Variants in SLC16A12 observed in about 807,000 individuals in gnomAD.
SLC16A12 encodes the protein solute carrier family 16 member 12, also known as monocarboxylate transporter 12.
Under a neutral mutation model 42.4 loss-of-function variants are expected in SLC16A12, and 17 were observed. The observed-to-expected ratio is 0.40, with a 90% CI of 0.27 to 0.60. SLC16A12 has a LOEUF of 0.60. Ranked by LOEUF, SLC16A12 falls within the 20% of genes least tolerant of loss-of-function variation. The probability of loss-of-function intolerance (pLI) is 0.42; values close to 1 mark genes in which losing one functional copy is unlikely to be tolerated. For synonymous variants in SLC16A12, 224 were observed against 229.4 expected (o/e 0.98, Z 0.21); for missense variants, 544 against 623.0 (o/e 0.87, Z 1.35).
chr10:89,438,740 T>A lies in SLC16A12; in HGVS notation c.892A>T (p.Ser298Cys). ...VSVLFMAYGC[S>C]PLFVYLVPYA... Reference sequence around the variant, plus strand: ...GGCACCAAGTACACAAAGAGAGGGCTGCAGCCATAAGCCATAAACAGAACG... The same window carrying A: ...GGCACCAAGTACACAAAGAGAGGGCAGCAGCCATAAGCCATAAACAGAACG... Residue 298 changes from serine to cysteine, a missense_variant, in exon 6 of 8, where the codon AGC (serine) becomes TGC (cysteine). Coordinates refer to ENST00000371790, the MANE Select transcript of SLC16A12 (RefSeq NM_213606.4). 6.2e-7 allele frequency: 1 copy of A among 1,614,170 alleles called. No individual in the cohort carries two copies. The highest frequency in any genetic ancestry group is 2.2e-5 in the East Asian group (1 of 44,886).
At chr10:89,457,615 CT>C (rs1314365377) in intron 3 of SLC16A12, among the ~76,000 whole-genome samples, 1 of 151,846 alleles carries the variant, frequency 6.6e-6, no homozygotes, top group Non-Finnish European at 1.5e-5. Flanking sequence ...AAGTGTGATT[CT>C]TTTTTTTATA....
intron 2 of SLC16A12, among the ~76,000 whole-genome samples, chr10:89,553,829 A>C (rs182907836): frequency 6.6e-6 from 1 of 151,748 alleles, no homozygotes; most frequent in Admixed American, 6.6e-5. Context: ...CCCTGTCTCT[A>C]CTAAAAATAC....
chr10:89,556,029 A>C (rs1222450011), intron 1 of SLC16A12: 2 of 152,102 alleles, frequency 1.3e-5, no homozygotes. Flanking sequence ...TATCAAACAC[A>C]GAATTTCAAG....
At chr10:89,535,027 T>C (rs533038094) in intron 1 of SLC16A12, among the ~76,000 whole-genome samples, 155 of 152,094 alleles carry the variant, frequency 1.0e-3, no homozygotes, top group Non-Finnish European at 1.8e-3. Context: ...TGAAAGCCGG[T>C]GTGTTTTTAA....
At chr10:89,469,065 G>A (rs551115379) in intron 2 of SLC16A12, among the ~76,000 whole-genome samples, 2 of 152,218 alleles carry the variant, frequency 1.3e-5, no homozygotes, top group South Asian at 4.2e-4. Flanking sequence ...GAAGACAGAG[G>A]TTGCAGTGAG....
rs1213878362 is a variant in SLC16A12 at position 89,555,507 on chromosome 10, A to ATATATG, written c.-47+374_-47+375insCATATA. ...TATACGTATATATACGTATATACGT[A>ATATATG]TATATATGTATATATGTGTATATAT... On this transcript the variant is annotated intron_variant, in intron 2 of 2. Coordinates refer to the SLC16A12 transcript ENST00000475682. Among the ~76,000 whole-genome samples, 30 of 143,980 alleles carry ATATATG rather than the reference A, an allele frequency of 2.1e-4. 2 individuals carry two copies. The highest frequency in any genetic ancestry group is 2.0e-3 in the Admixed American group (29 of 14,316). 94.5% of individuals were successfully genotyped at this position (143,980 alleles called of 152,430 possible).
intron 6 of SLC16A12, among the ~76,000 whole-genome samples, chr10:89,436,802 AGGAG>A (rs1841793225): frequency 9.0e-6 from 1 of 110,586 alleles, no homozygotes; most frequent in African/African-American, 4.3e-5. Context: ...AGGAAAGGAA[AGGAG>A]GAAGGAAGGA....
At chr10:89,454,604 T>C (rs11203136) in intron 3 of SLC16A12, among the ~76,000 whole-genome samples, 40,632 of 151,508 alleles carry the variant, frequency 0.27, 6,298 homozygotes, top group African/African-American at 0.42. Flanking sequence ...TTGCCTCTTT[T>C]AACACATCAC....
chr10:89,490,616 G>A (rs988301608), intron 2 of SLC16A12, among the ~76,000 whole-genome samples: 20 of 152,172 alleles, frequency 1.3e-4, no homozygotes, highest in African/African-American at 4.8e-4. Context: ...ATGGGGGGCC[G>A]GGATTGGGAA....
rs903185613 is a variant in SLC16A12 at position 89,487,993 on chromosome 10, T to C, written c.-46-25369A>G. On this transcript the variant is annotated intron_variant, in intron 2 of 7. Coordinates refer to ENST00000371790, the MANE Select transcript of SLC16A12 (RefSeq NM_213606.4). ...ATATATATATATATATATATATATA[T>C]ATACACACACACATTTATTATACCA... Among the ~76,000 whole-genome samples, 576 of 119,590 alleles carry C rather than the reference T, an allele frequency of 4.8e-3. 11 individuals carry two copies. Among genetic ancestry groups the C allele is most frequent in the Admixed American group, 0.037 (425 of 11,614 alleles). The allele number at this position is 119,590 out of a possible 152,430, so 78.5% of individuals were successfully genotyped here.
At chr10:89,553,073 C>T (rs558163198) in intron 2 of SLC16A12, among the ~76,000 whole-genome samples, 1 of 152,222 alleles carries the variant, frequency 6.6e-6, no homozygotes, top group East Asian at 1.9e-4. Context: ...GGGTGAAACC[C>T]CGTCTCTACT....
In SLC16A12 at chr10:89,430,897, T is replaced by TA; in HGVS notation, c.*2166dup. ...GAATATTTGTAACTATTCATATTTT[T>TA]AAACATCTTTAGGCTTGAAAATTCA... is the stretch of plus-strand genomic sequence containing the variant. On this transcript the variant is annotated 3_prime_UTR_variant, in exon 8 of 8. Transcript: ENST00000371790. The TA allele has an allele frequency of 5.8e-6, 2 of 344,450 alleles. No homozygotes were observed. Among genetic ancestry groups the TA allele is most frequent in the South Asian group, 4.7e-5 (2 of 42,530 alleles). 21.3% of individuals were successfully genotyped at this position (344,450 alleles called of 1,614,324 possible).
chr10:89,539,087 T>A (rs1328034484), upstream of SLC16A12, among the ~76,000 whole-genome samples: 1 of 152,340 alleles, frequency 6.6e-6, no homozygotes. Flanking sequence ...GCTGTATTCA[T>A]AGTGGAGCCC....
rs182268226 is a variant in SLC16A12, at chr10:89,446,920, A to C, written c.201-3061T>G. Among the ~76,000 whole-genome samples the C allele has an allele frequency of 3.0e-3, 463 of 152,306 alleles. 2 individuals carry two copies. Among genetic ancestry groups the C allele is most frequent in the African/African-American group, 0.01 (427 of 41,552 alleles). On this transcript the variant is annotated intron_variant, in intron 3 of 7. Coordinates refer to ENST00000371790, the MANE Select transcript of SLC16A12 (RefSeq NM_213606.4). ...ATAAAGGGATGGAGGAAGATCTACC[A>C]AGCAAATGGAAAGCAAAAAAAAAGC...
chr10:89,518,625 AC>A (rs1388264156), intron 2 of SLC16A12, among the ~76,000 whole-genome samples: 2 of 152,228 alleles, frequency 1.3e-5, no homozygotes, highest in Non-Finnish European at 1.5e-5. Context: ...AAAGCAAAGA[AC>A]ATGCAAGTTG....
chr10:89,493,730 C>G (rs11185730), intron 2 of SLC16A12, among the ~76,000 whole-genome samples: 25,439 of 152,076 alleles, frequency 0.17, 2,615 homozygotes, highest in African/African-American at 0.29. Context: ...GTTATACTAC[C>G]AGTGTTTTAC....
At chr10:89,490,954 CA>C (rs1350037939) in intron 2 of SLC16A12, among the ~76,000 whole-genome samples, 1 of 152,176 alleles carries the variant, frequency 6.6e-6, no homozygotes, top group African/African-American at 2.4e-5. Flanking sequence ...TCTCTCACTC[CA>C]GAGCTATTTC....
At chr10:89,550,750 G>C (rs147411661) in intron 2 of SLC16A12, among the ~76,000 whole-genome samples, 77 of 152,032 alleles carry the variant, frequency 5.1e-4, no homozygotes, top group African/African-American at 1.7e-3. Context: ...CAGGGATGCA[G>C]AAGGCTTTGT....
chr10:89,441,023 A>G (rs1211910960), intron 5 of SLC16A12, 85 bp downstream of exon 5: 3 of 1,543,720 alleles, frequency 1.9e-6, no homozygotes, highest in African/African-American at 1.4e-5. Context: ...AACAAAATGA[A>G]TATTTTATGA....
Sources: allele counts gnomAD v4.1 joint callset (sites outside exome capture counted in the v4.1 genomes callset), GRCh38; gene constraint gnomAD v4.1.1; transcripts MANE v1.5; gene names NCBI Gene and HGNC (gene_info 2026-07-23, HGNC 2026-07-21).